The following JAK2 variants were observed in gnomAD, a reference collection of about 807,000 sequenced individuals.
JAK2 encodes the protein Janus kinase 2.
In JAK2, 86 loss-of-function variants were observed where a neutral mutation model predicts 139.3. That is an observed-to-expected ratio of 0.62 (90% CI 0.52 to 0.74). The LOEUF (loss-of-function observed/expected upper bound fraction) is 0.74. Ranked by LOEUF, JAK2 falls within the 30% of genes least tolerant of loss-of-function variation. The pLI, the probability that JAK2 is intolerant of heterozygous loss-of-function variation, is 0.00. For synonymous variants in JAK2, 490 were observed against 437.7 expected, an observed-to-expected ratio of 1.12 and a Z score of -1.49; for missense variants, 1,421 against 1,360.3, an observed-to-expected ratio of 1.04 and a Z score of -0.70.
intron 4 of JAK2, chr9:5,041,119 G>C (rs1816471770): frequency 1.2e-6 from 1 of 867,940 alleles, no homozygotes; most frequent in Middle Eastern, 2.7e-4. Context: ...TCACGCCCAA[G>C]ACGGTGCTCC....
In JAK2 at chr9:5,081,845, T is replaced by C; in HGVS notation, c.2555T>C (p.Leu852Pro). 6.2e-7 allele frequency: 1 copy of C among 1,612,824 alleles called. No individual in the cohort carries two copies. The highest frequency in any genetic ancestry group is 8.5e-7 in the Non-Finnish European group (1 of 1,179,142). Residue 852 changes from leucine (L) to proline (P), a missense_variant, in exon 19 of 25, where the codon CTA (leucine) becomes CCA (proline). Transcript: ENST00000381652. The stretch of plus-strand genomic sequence containing the variant: ...TTTGAAGAGAGACATTTGAAATTTC[T>C]ACAGCAACTTGGCAAGGTAAATTGT... ...TQFEERHLKF[L>P]QQLGKGNFGS...
intron 2 of JAK2, among the ~76,000 whole-genome samples, chr9:5,004,270 A>G (rs966862564): frequency 3.9e-5 from 6 of 152,002 alleles, no homozygotes; most frequent in Admixed American, 3.3e-4. Flanking sequence ...CCTTTGACCA[A>G]CGTCTCCCAT....
At chr9:5,065,234 T>C (rs367600768) in intron 9 of JAK2, among the ~76,000 whole-genome samples, 194 bp downstream of exon 9, 1 of 152,352 alleles carries the variant, frequency 6.6e-6, no homozygotes, top group South Asian at 2.1e-4. Flanking sequence ...TGTATCCCAA[T>C]CTATAATATT....
chr9:5,109,369 G>C (rs183324328), intron 22 of JAK2: 1 of 152,148 alleles, frequency 6.6e-6, no homozygotes, highest in Non-Finnish European at 1.5e-5. Flanking sequence ...TACCAAGAAA[G>C]TATGCAAGAA....
At chr9:4,999,285 T>A (rs1464237274) in intron 2 of JAK2, among the ~76,000 whole-genome samples, 1 of 152,212 alleles carries the variant, frequency 6.6e-6, no homozygotes, top group Non-Finnish European at 1.5e-5. Flanking sequence ...GATTTCTTGT[T>A]TCTTAAGTGA....
In JAK2 at chr9:5,054,511, C is replaced by G; in HGVS notation, c.615-52C>G. The G allele has an allele frequency of 7.1e-7, 1 of 1,412,146 alleles. No individual in the cohort carries two copies. Among genetic ancestry groups the G allele is most frequent in the Non-Finnish European group, 9.6e-7 (1 of 1,038,810 alleles). 87.5% of individuals were successfully genotyped at this position (1,412,146 alleles called of 1,614,324 possible). On this transcript the variant is annotated intron_variant, in intron 6 of 24. Transcript: ENST00000381652. This position sits in a 1 kb window ranked among gnomAD's most constrained non-coding sequence, Gnocchi z 4.9. ...CTTCTTTTTCAATTTTTAGATTTATCTTCCAATTTTTGTTTTGTTTTGTTT... is the reference window on the plus strand; with the variant it reads ...CTTCTTTTTCAATTTTTAGATTTATGTTCCAATTTTTGTTTTGTTTTGTTT...
intron 11 of JAK2, among the ~76,000 whole-genome samples, chr9:5,069,605 T>C (rs778605104): frequency 8.5e-5 from 13 of 152,152 alleles, no homozygotes; most frequent in Non-Finnish European, 1.8e-4. Context: ...TATTAAAAAT[T>C]ATTAAAATTC....
intron 14 of JAK2, among the ~76,000 whole-genome samples, chr9:5,076,232 T>C (rs1490536691): frequency 6.6e-6 from 1 of 152,180 alleles, no homozygotes; most frequent in East Asian, 1.9e-4. Context: ...ACTTGATTGA[T>C]CAAGCAGTTG....
intron 20 of JAK2, 29 bp from the exon 21 acceptor site, chr9:5,090,417 A>C: frequency 6.8e-7 from 1 of 1,478,892 alleles, no homozygotes; most frequent in South Asian, 1.4e-5. Context: ...TGGCAGAGTA[A>C]AACATTATTT....
chr9:5,036,210 C>G (rs1336866006), intron 4 of JAK2, among the ~76,000 whole-genome samples: 1 of 152,088 alleles, frequency 6.6e-6, no homozygotes, highest in Non-Finnish European at 1.5e-5. Context: ...CAAACCACTG[C>G]TCAATGAAGT....
At chr9:5,037,732 G>T (rs1816167396) in intron 4 of JAK2, among the ~76,000 whole-genome samples, 1 of 152,154 alleles carries the variant, frequency 6.6e-6, no homozygotes, top group African/African-American at 2.4e-5. Flanking sequence ...AGGAGGGATA[G>T]CATTAGGAAA....
chr9:5,106,088 C>T (rs1053209682), intron 22 of JAK2, among the ~76,000 whole-genome samples: 2 of 152,132 alleles, frequency 1.3e-5, no homozygotes, highest in African/African-American at 4.8e-5. Context: ...TAAACAGCTG[C>T]ACAGCAAAAC....
At chr9:5,098,096 AG>A (rs1170677683) in intron 22 of JAK2, 2 of 152,210 alleles carry the variant, frequency 1.3e-5, no homozygotes, top group Non-Finnish European at 2.9e-5. Flanking sequence ...TGTTTCGAAA[AG>A]AAAAACTATA....
At chr9:5,079,628 T>C (rs1586751334) in intron 16 of JAK2, among the ~76,000 whole-genome samples, 1 of 151,994 alleles carries the variant, frequency 6.6e-6, no homozygotes, top group African/African-American at 2.4e-5. Context: ...GGGGCAATTT[T>C]AGGATAAACT....
At chr9:5,053,455 T>C (rs1352742921) in intron 6 of JAK2, among the ~76,000 whole-genome samples, 2 of 152,130 alleles carry the variant, frequency 1.3e-5, no homozygotes, top group African/African-American at 4.8e-5. Context: ...CCTGAAGGTA[T>C]CATTTGTAGC....
At position 5,127,353 on chromosome 9, in the gene JAK2, C is replaced by G. The variant is rs1824068274; in HGVS notation, c.*562C>G. The G allele has an allele frequency of 8.6e-6, 2 of 231,960 alleles. No homozygotes were observed. The highest frequency in any genetic ancestry group is 4.4e-5 in the African/African-American group (2 of 45,228). The allele number at this position is 231,960 out of a possible 1,614,324, so 14.4% of individuals were successfully genotyped here. ...TTTGTGTCCTTGTTCATTTATATCG[C>G]TGGCCAGCATTATAAGCAGGTGTAT... is the stretch of plus-strand genomic sequence containing the variant. On this transcript the variant is annotated 3_prime_UTR_variant, in exon 25 of 25. Coordinates refer to ENST00000381652, the MANE Select transcript of JAK2 (RefSeq NM_004972.4).
Position 5,128,782 on chromosome 9 carries a change from A to G in JAK2, c.*1991A>G, listed in dbSNP as rs1824164729. The stretch of plus-strand genomic sequence containing the variant: ...TCTGACTACACATAAAAATAAGATA[A>G]CCCTGTAGTTATTAAGTTGGTTCTG... On this transcript the variant is annotated 3_prime_UTR_variant, in exon 25 of 25. Transcript: ENST00000381652. Among the ~76,000 whole-genome samples, 1 of 151,994 alleles carries G rather than the reference A, an allele frequency of 6.6e-6. No homozygotes were observed. The highest frequency in any genetic ancestry group is 2.4e-5 in the African/African-American group (1 of 41,446).
intron 2 of JAK2, among the ~76,000 whole-genome samples, chr9:5,015,619 C>T (rs956786919): frequency 5.3e-5 from 8 of 151,532 alleles, no homozygotes; most frequent in Non-Finnish European, 8.8e-5. Flanking sequence ...CTGCTCACTG[C>T]GGCCTCGGTC....
chr9:5,046,233 T>G (rs1232501395), intron 5 of JAK2, among the ~76,000 whole-genome samples: 1 of 152,184 alleles, frequency 6.6e-6, no homozygotes, highest in East Asian at 1.9e-4. Context: ...AGATGTCTAC[T>G]GAAGTCCTTT....
Sources: gnomAD v4.1 joint callset for allele counts (sites outside exome capture counted in the v4.1 genomes callset) on GRCh38, gnomAD v4.1.1 for gene constraint, Gnocchi (gnomAD v3.1) non-coding constraint, MANE v1.5 for transcripts, NCBI Gene and HGNC (gene_info 2026-07-23, HGNC 2026-07-21) for gene names.